Variants in TMEM163 observed in about 807,000 individuals in gnomAD.
TMEM163 encodes transmembrane protein 163.
Under a neutral mutation model 29.3 loss-of-function variants are expected in TMEM163, and 17 were observed. The ratio of observed to expected loss-of-function variants is 0.58; its 90% CI spans 0.40 to 0.87. The LOEUF is 0.87. TMEM163 is among the 40% of genes least tolerant of loss of function. TMEM163 has a pLI of 0.00. For synonymous variants in TMEM163, 157 were observed against 160.6 expected, an observed-to-expected ratio of 0.98 and a Z score of 0.17; for missense variants, 303 against 381.5, an observed-to-expected ratio of 0.79 and a Z score of 1.71.
intron 2 of TMEM163, among the ~76,000 whole-genome samples, chr2:134,567,715 G>A (rs1681327831): frequency 6.6e-6 from 1 of 152,090 alleles, no homozygotes; most frequent in African/African-American, 2.4e-5. Flanking sequence ...TAATAATAAA[G>A]AGTCAGAGAC....
chr2:134,579,829 C>G (rs1681651002), intron 2 of TMEM163, among the ~76,000 whole-genome samples: 1 of 152,214 alleles, frequency 6.6e-6, no homozygotes, highest in Admixed American at 6.5e-5. Context: ...ATATCAGTCA[C>G]ATAGTAAACA....
rs1222180472 is a variant in TMEM163 at position 134,498,396 on chromosome 2, C to T, written c.555+4505G>A. On this transcript the variant is annotated intron_variant, in intron 5 of 7. Transcript: ENST00000281924. Reference sequence around the variant, plus strand: ...TTTTTGAGACGGAGTCTTGCACTGTCGCCCAGGCTGGAGTGCAATCTGGTT... The same window carrying T: ...TTTTTGAGACGGAGTCTTGCACTGTTGCCCAGGCTGGAGTGCAATCTGGTT... 5.1e-5 allele frequency among the ~76,000 whole-genome samples: 7 copies of T among 137,468 alleles called. 1 individual carries two copies. Among genetic ancestry groups the T allele is most frequent in the African/African-American group, 1.9e-4 (7 of 36,422 alleles). The allele number at this position is 137,468 out of a possible 152,430, so 90.2% of individuals were successfully genotyped here. A position where few individuals can be genotyped will look rare whatever the true frequency, so the allele number is the denominator to read the frequency against.
intron 2 of TMEM163, among the ~76,000 whole-genome samples, chr2:134,597,051 A>G (rs917048039): frequency 2.9e-4 from 44 of 152,190 alleles, no homozygotes; most frequent in African/African-American, 1.2e-4. Context: ...CAATCATGTC[A>G]TCTGCAAACA....
chr2:134,674,492 CGCGCGCGCGCGCGCG>C, intron 2 of TMEM163, among the ~76,000 whole-genome samples: 1 of 82,508 alleles, frequency 1.2e-5, no homozygotes. Flanking sequence ...TACAGGCGCG[CGCGCGCGCGCGCGCG>C]CGCTACCATA....
At chr2:134,501,131 TA>T (rs539473389) in intron 5 of TMEM163, among the ~76,000 whole-genome samples, 46 of 152,182 alleles carry the variant, frequency 3.0e-4, no homozygotes, top group Admixed American at 1.9e-3. Flanking sequence ...ATTGTCAATT[TA>T]AAAAAATAAG....
rs1440094186 is a variant in TMEM163, at chr2:134,597,543, G to A, written c.323-45452C>T. ...GTATTTTACTGAGGATTTTTGCATCGATATTCATCAGGGATATTGGTCTAA... is the reference window on the plus strand; with the variant it reads ...GTATTTTACTGAGGATTTTTGCATCAATATTCATCAGGGATATTGGTCTAA... On this transcript the variant is annotated intron_variant, in intron 2 of 7. Transcript: ENST00000281924. Among the ~76,000 whole-genome samples, 7 of 150,828 alleles carry A rather than the reference G, an allele frequency of 4.6e-5. No individual in the cohort carries two copies. In the East Asian group the frequency reaches 5.8e-4, roughly 12 times the overall value.
At chr2:134,543,939 T>G (rs1680727956) in intron 4 of TMEM163, among the ~76,000 whole-genome samples, 1 of 152,140 alleles carries the variant, frequency 6.6e-6, no homozygotes, top group Non-Finnish European at 1.5e-5. Context: ...GAGAACCACC[T>G]CTCGGGCTGC....
chr2:134,563,778 G>C (rs1406071686), intron 2 of TMEM163, among the ~76,000 whole-genome samples: 1 of 152,168 alleles, frequency 6.6e-6, no homozygotes, highest in African/African-American at 2.4e-5. Context: ...AGACAGGCCA[G>C]GCACGGTGGC....
chr2:134,626,094 CTTTTTTTT>C (rs146008537), intron 2 of TMEM163, among the ~76,000 whole-genome samples: 2 of 66,256 alleles, frequency 3.0e-5, no homozygotes, highest in African/African-American at 1.1e-4. Flanking sequence ...ACTTTTCCAG[CTTTTTTTT>C]TTTTTTTTTT....
intron 5 of TMEM163, among the ~76,000 whole-genome samples, chr2:134,499,647 T>C (rs1489742715): frequency 1.3e-5 from 2 of 152,208 alleles, no homozygotes; most frequent in Non-Finnish European, 2.9e-5. Context: ...CCTGCAATTA[T>C]TCCCACTCTG....
chr2:134,465,698 G>A (rs1444436313), intron 6 of TMEM163, among the ~76,000 whole-genome samples: 1 of 152,204 alleles, frequency 6.6e-6, no homozygotes, highest in African/African-American at 2.4e-5. Flanking sequence ...GAACTCCCAG[G>A]TGAGTGTCCC....
intron 1 of TMEM163, among the ~76,000 whole-genome samples, chr2:134,713,792 C>A (rs1013282373): frequency 2.3e-4 from 35 of 152,154 alleles, no homozygotes; most frequent in Non-Finnish European, 4.3e-4. Flanking sequence ...GGGTTTTGCC[C>A]AAAGCAAGGA....
At chr2:134,647,329 T>C (rs570328570) in intron 2 of TMEM163, among the ~76,000 whole-genome samples, 2 of 152,252 alleles carry the variant, frequency 1.3e-5, no homozygotes, top group African/African-American at 4.8e-5. Context: ...GTCTCAGCCT[T>C]TTTATAAAAT....
chr2:134,614,291 C>T (rs1174778220), intron 2 of TMEM163, among the ~76,000 whole-genome samples: 2 of 152,102 alleles, frequency 1.3e-5, no homozygotes, highest in Non-Finnish European at 2.9e-5. Context: ...TAGGGAACCA[C>T]AACCTCACAC....
intron 2 of TMEM163, among the ~76,000 whole-genome samples, chr2:134,624,942 A>G (rs939453028): frequency 5.3e-5 from 8 of 152,172 alleles, no homozygotes; most frequent in African/African-American, 1.9e-4. Context: ...AAAAATAATA[A>G]AAATTTATCT....
intron 2 of TMEM163, among the ~76,000 whole-genome samples, chr2:134,642,105 T>C (rs1683234873): frequency 6.6e-6 from 1 of 151,902 alleles, no homozygotes; most frequent in Non-Finnish European, 1.5e-5. Context: ...AGGAAAAAGA[T>C]TGGTTATTAA....
At chr2:134,657,661 G>C (rs1304435186) in intron 2 of TMEM163, among the ~76,000 whole-genome samples, 1 of 152,180 alleles carries the variant, frequency 6.6e-6, no homozygotes, top group East Asian at 1.9e-4. Flanking sequence ...AAATTAGTTG[G>C]GCGTGGTGGC....
chr2:134,564,798 C>T (rs1204019922), intron 2 of TMEM163, among the ~76,000 whole-genome samples: 1 of 152,164 alleles, frequency 6.6e-6, no homozygotes, highest in Non-Finnish European at 1.5e-5. Flanking sequence ...ACCACAGATG[C>T]CACTACATAC....
At chr2:134,461,089 C>T (rs1481951377) in intron 6 of TMEM163, among the ~76,000 whole-genome samples, 1 of 152,220 alleles carries the variant, frequency 6.6e-6, no homozygotes, top group Non-Finnish European at 1.5e-5. Flanking sequence ...GCAGGCCCTG[C>T]CGTCACTCCC....
Sources: gnomAD v4.1 joint callset for allele counts (sites outside exome capture counted in the v4.1 genomes callset) on GRCh38, gnomAD v4.1.1 for gene constraint, MANE v1.5 for transcripts, NCBI Gene and HGNC (gene_info 2026-07-23, HGNC 2026-07-21) for gene names.